The following ZFYVE21 variants were observed in gnomAD, a reference collection of about 807,000 sequenced individuals.
The protein encoded by ZFYVE21 is zinc finger FYVE domain-containing protein 21.
In ZFYVE21, 21 loss-of-function variants were observed where a neutral mutation model predicts 29.5. The ratio of observed to expected loss-of-function variants is 0.71; its 90% CI spans 0.50 to 1.02. The LOEUF is 1.02. Among genes scored for constraint, ZFYVE21 ranks in the 50% least tolerant of loss-of-function variants. The pLI is 0.00. For synonymous variants in ZFYVE21, 151 were observed against 133.8 expected (o/e 1.13, Z -0.89); for missense variants, 326 against 335.4 (o/e 0.97, Z 0.22).
chr14:103,723,025 T>C (rs566394082), intron 1 of ZFYVE21, among the ~76,000 whole-genome samples: 22 of 152,300 alleles, frequency 1.4e-4, no homozygotes, highest in South Asian at 4.2e-4. Context: ...AAAGCAGTCC[T>C]CTTTCACCAC....
intron 3 of ZFYVE21, 111 bp downstream of exon 3, chr14:103,728,025 G>T: frequency 8.5e-7 from 1 of 1,176,680 alleles, no homozygotes; most frequent in South Asian, 1.6e-5. Flanking sequence ...ACGTTCTCTC[G>T]CCCTCCCTCC....
Position 103,722,688 on chromosome 14 carries a change from G to A in ZFYVE21, c.139-4104G>A, listed in dbSNP as rs558050693. Among the ~76,000 whole-genome samples the A allele has an allele frequency of 1.2e-3, 179 of 152,210 alleles. 1 individual carries two copies. Among genetic ancestry groups the A allele is most frequent in the African/African-American group, 3.9e-3 (163 of 41,546 alleles). ...CAAAAAATTAGCTGGGCGTGGTGGC[G>A]GGCACCTGTAGTTCCAGCTACTTGG... On this transcript the variant is annotated intron_variant, in intron 1 of 6. Coordinates refer to ENST00000311141, the MANE Select transcript of ZFYVE21 (RefSeq NM_024071.4).
chr14:103,721,698 C>T (rs1315772496), intron 1 of ZFYVE21, among the ~76,000 whole-genome samples: 2 of 152,264 alleles, frequency 1.3e-5, no homozygotes, highest in Admixed American at 1.3e-4. Context: ...TCTCCCTCTT[C>T]ATCTCTGTGT....
intron 1 of ZFYVE21, among the ~76,000 whole-genome samples, chr14:103,721,797 G>A (rs1257706731): frequency 1.3e-5 from 2 of 152,208 alleles, no homozygotes; most frequent in Non-Finnish European, 2.9e-5. Flanking sequence ...AACGTCTTGA[G>A]GCCTGTTTCA....
Position 103,733,351 on chromosome 14 carries a change from C to CT in ZFYVE21, c.*333_*334insT. The CT allele has an allele frequency of 4.2e-6, 1 of 238,434 alleles. No individual in the cohort carries two copies. 14.8% of individuals were successfully genotyped at this position (238,434 alleles called of 1,614,324 possible). A position where few individuals can be genotyped will look rare whatever the true frequency, so the allele number is the denominator to read the frequency against. ...GCAGGTCTACTAGAAGGTTCTGGCC[C>CT]ATCAATATTCATTTCATTTAATTCT... On this transcript the variant is annotated 3_prime_UTR_variant, in exon 7 of 7. Transcript: ENST00000311141.
intron 1 of ZFYVE21, among the ~76,000 whole-genome samples, chr14:103,722,784 A>C (rs1010988631): frequency 6.6e-6 from 1 of 150,794 alleles, no homozygotes; most frequent in Admixed American, 6.6e-5. Context: ...GTGCCACTGC[A>C]CTCCAGCCTG....
intron 1 of ZFYVE21, chr14:103,724,403 A>G (rs1348210042): frequency 1.3e-5 from 2 of 152,212 alleles, no homozygotes; most frequent in Admixed American, 1.3e-4. Flanking sequence ...TCCTTGGTGG[A>G]GCTCTGAGGC....
intron 1 of ZFYVE21, among the ~76,000 whole-genome samples, chr14:103,721,072 C>T (rs1411998431): frequency 1.3e-5 from 2 of 152,142 alleles, no homozygotes; most frequent in South Asian, 4.1e-4. Flanking sequence ...GCAGTCCACC[C>T]ACCTCAGCCT....
intron 5 of ZFYVE21, chr14:103,730,098 C>G (rs995333526): frequency 1.7e-5 from 9 of 524,630 alleles, no homozygotes; most frequent in South Asian, 2.5e-5. Flanking sequence ...TGACAGCTCT[C>G]TGTCAGTACC....
intron 1 of ZFYVE21, among the ~76,000 whole-genome samples, chr14:103,723,617 C>G (rs1007591916): frequency 6.6e-6 from 1 of 152,222 alleles, no homozygotes; most frequent in African/African-American, 2.4e-5. Flanking sequence ...TCGCGACGGG[C>G]CAGTCCTTGC....
At position 103,727,781 on chromosome 14, in the gene ZFYVE21, CAGGTGCTGCAGCCAGA is replaced by C; in HGVS notation, c.232_247del (p.Cys78ArgfsTer36). ...GCCGCTGCGGGAAGTGCTTCTGCGA[CAGGTGCTGCAGCCAGA>C]AGGTGCCGCTGCGGCGCATGTGCTT... On this transcript the variant is annotated frameshift_variant, in exon 3 of 7. Coordinates refer to ENST00000311141, the MANE Select transcript of ZFYVE21 (RefSeq NM_024071.4). LOFTEE classifies it high-confidence loss of function. 1 of 1,611,734 alleles carries C rather than the reference CAGGTGCTGCAGCCAGA, an allele frequency of 6.2e-7. No individual in the cohort carries two copies. Among genetic ancestry groups the C allele is most frequent in the South Asian group, 1.1e-5 (1 of 91,078 alleles).
intron 1 of ZFYVE21, among the ~76,000 whole-genome samples, chr14:103,720,492 T>C (rs1039130896): frequency 6.6e-6 from 1 of 152,176 alleles, no homozygotes; most frequent in African/African-American, 2.4e-5. Context: ...CCTGATGTTT[T>C]TTGTCACCCC....
At position 103,716,099 on chromosome 14, in the gene ZFYVE21, G is replaced by T; in HGVS notation, c.138+120G>T. 1.0e-6 allele frequency: 1 copy of T among 958,132 alleles called. No homozygotes were observed. The highest frequency in any genetic ancestry group is 5.2e-5 in the East Asian group (1 of 19,328). 59.4% of individuals were successfully genotyped at this position (958,132 alleles called of 1,614,324 possible). On this transcript the variant is annotated intron_variant, in intron 1 of 6. Transcript: ENST00000311141. The surrounding 1 kb of genome is among the most constrained non-coding windows in gnomAD (Gnocchi z 4.8). ...CTCCGGGCGGCCCCTTCCCCAGCCG[G>T]CCCCCGCCCCCGCTCTCTCCCAGGT...
Position 103,715,814 on chromosome 14 carries a change from C to T in ZFYVE21, c.-28C>T, listed in dbSNP as rs996479314. On this transcript the variant is annotated 5_prime_UTR_variant, in exon 1 of 7. Coordinates refer to ENST00000311141, the MANE Select transcript of ZFYVE21 (RefSeq NM_024071.4). ...GCTGGGCGAGGGGCCGGGTGCGGGG[C>T]CGCTGGCCGAGAGGCTGAGGCGGCG... The T allele has an allele frequency of 2.2e-6, 3 of 1,334,560 alleles. No homozygotes were observed. Among genetic ancestry groups the T allele is most frequent in the Non-Finnish European group, 2.9e-6 (3 of 1,035,330 alleles). 82.7% of individuals were successfully genotyped at this position (1,334,560 alleles called of 1,614,324 possible).
chr14:103,726,354 G>A (rs2083924333), intron 1 of ZFYVE21: 1 of 157,524 alleles, frequency 6.3e-6, no homozygotes. Flanking sequence ...GCCTTCCCTG[G>A]TTTAGGGGTT....
intron 2 of ZFYVE21, 116 bp downstream of exon 2, chr14:103,726,958 T>TTGTTTTTTTTG: frequency 8.4e-7 from 1 of 1,192,324 alleles, no homozygotes; most frequent in Non-Finnish European, 1.2e-6. Context: ...GTTTTTTTTT[T>TTGTTTTTTTTG]TTTTGAGACG....
chr14:103,720,329 A>G (rs2083862291), intron 1 of ZFYVE21, among the ~76,000 whole-genome samples: 1 of 152,162 alleles, frequency 6.6e-6, no homozygotes, highest in African/African-American at 2.4e-5. Flanking sequence ...AAACGTGATT[A>G]TCTTTCAATA....
At chr14:103,719,264 C>T (rs1444721348) in intron 1 of ZFYVE21, among the ~76,000 whole-genome samples, 3 of 151,784 alleles carry the variant, frequency 2.0e-5, no homozygotes, top group East Asian at 3.9e-4. Flanking sequence ...GGCGACCAAG[C>T]GAGACTCCGT....
chr14:103,727,246 G>A (rs570584664), intron 2 of ZFYVE21: 17 of 354,038 alleles, frequency 4.8e-5, no homozygotes, highest in East Asian at 3.9e-4. Flanking sequence ...ACACCCAGCC[G>A]TTATGGCTCA....
Sources: gnomAD v4.1 joint callset for allele counts (sites outside exome capture counted in the v4.1 genomes callset) on GRCh38, gnomAD v4.1.1 for gene constraint, Gnocchi (gnomAD v3.1) non-coding constraint, MANE v1.5 for transcripts, NCBI Gene and HGNC (gene_info 2026-07-23, HGNC 2026-07-21) for gene names.